The following PTBP3 variants were observed in gnomAD, a reference collection of about 807,000 sequenced individuals.
PTBP3 encodes polypyrimidine tract-binding protein 3.
Under a neutral mutation model 58.7 loss-of-function variants are expected in PTBP3, and 20 were observed. The observed-to-expected ratio is 0.34, with a 90% CI of 0.24 to 0.50. PTBP3 has a LOEUF of 0.50. Ranked by LOEUF, PTBP3 falls within the 20% of genes least tolerant of loss-of-function variation. The pLI is 0.98. For synonymous variants in PTBP3, 185 were observed against 219.8 expected, an observed-to-expected ratio of 0.84 and a Z score of 1.40; for missense variants, 509 against 637.2, an observed-to-expected ratio of 0.80 and a Z score of 2.17.
At chr9:112,314,009 G>A (rs1208395968) in intron 1 of PTBP3, among the ~76,000 whole-genome samples, 1 of 152,142 alleles carries the variant, frequency 6.6e-6, no homozygotes, top group Non-Finnish European at 1.5e-5. Context: ...ATGAATCCAC[G>A]CAAATGAGGT....
the PTBP3 span, among the ~76,000 whole-genome samples, chr9:112,361,473 TTAA>T: frequency 6.6e-6 from 1 of 152,146 alleles, no homozygotes; most frequent in Non-Finnish European, 1.5e-5. Flanking sequence ...TTTGAAAACG[TTAA>T]TAATATAAAA....
intron 1 of PTBP3, among the ~76,000 whole-genome samples, chr9:112,309,151 C>T (rs1030136437): frequency 6.6e-6 from 1 of 151,872 alleles, no homozygotes; most frequent in African/African-American, 2.4e-5. Flanking sequence ...CATGACTATA[C>T]AAAAGAGGCT....
intron 1 of PTBP3, among the ~76,000 whole-genome samples, chr9:112,309,974 A>C (rs1031192700): frequency 5.3e-5 from 8 of 152,158 alleles, no homozygotes; most frequent in African/African-American, 1.9e-4. Context: ...CTAAACCTAA[A>C]GACATTTGCT....
intron 1 of PTBP3, 121 bp from the exon 2 acceptor site, chr9:112,298,037 A>G (rs1335619232): frequency 5.4e-6 from 4 of 736,720 alleles, no homozygotes; most frequent in Non-Finnish European, 8.6e-6. Context: ...TAAAGGGGGA[A>G]CTCCTCAAGA....
rs1316154356 is a variant in PTBP3, at chr9:112,306,601, TA to T, written c.-51-8686del. ...ATTTAAATTTGTATATATATATATATATATTTTTGTTTGTTTGTTTGTTTGT... is the reference window on the plus strand; with the variant it reads ...ATTTAAATTTGTATATATATATATATTATTTTTGTTTGTTTGTTTGTTTGT... On this transcript the variant is annotated intron_variant, in intron 1 of 13. Transcript: ENST00000374257. 3.3e-3 allele frequency among the ~76,000 whole-genome samples: 316 copies of T among 94,772 alleles called. 1 individual carries two copies. The highest frequency in any genetic ancestry group is 0.014 in the African/African-American group (295 of 21,844). 62.2% of individuals were successfully genotyped at this position (94,772 alleles called of 152,430 possible). A position where few individuals can be genotyped will look rare whatever the true frequency, so the allele number is the denominator to read the frequency against.
At chr9:112,217,798 A>T (rs1192306378), downstream of PTBP3, 2 of 152,214 alleles carry the variant, frequency 1.3e-5, no homozygotes, top group Non-Finnish European at 2.9e-5. Flanking sequence ...GTGATTACCT[A>T]ATTTTCTATT....
intron 1 of PTBP3, among the ~76,000 whole-genome samples, chr9:112,322,417 G>T (rs1829992843): frequency 6.6e-6 from 1 of 152,160 alleles, no homozygotes. Flanking sequence ...GGGAACAGCT[G>T]ATATTAATCA....
chr9:112,366,807 G>A, the PTBP3 span, among the ~76,000 whole-genome samples: 5 of 152,146 alleles, frequency 3.3e-5, no homozygotes, highest in African/African-American at 1.2e-4. Context: ...GCCCCAGAAT[G>A]ATAGATCCAC....
the PTBP3 span, among the ~76,000 whole-genome samples, chr9:112,341,880 C>T: frequency 1.3e-5 from 2 of 152,100 alleles, no homozygotes; most frequent in African/African-American, 4.8e-5. Flanking sequence ...ATGACTAGGT[C>T]CCTGTGATGG....
the PTBP3 span, among the ~76,000 whole-genome samples, chr9:112,347,633 G>T: frequency 1.3e-5 from 2 of 152,102 alleles, no homozygotes; most frequent in South Asian, 4.1e-4. Flanking sequence ...GTGAGCTACT[G>T]TACCATTTTT....
At position 112,222,364 on chromosome 9, in the gene PTBP3, CT is replaced by C. The variant is rs1432935755; in HGVS notation, c.*1486del. ...ATGAGAAATAACCCACCTTCTCATA[CT>C]CCAAATACGTGGGTACTCAGTAATG... On this transcript the variant is annotated 3_prime_UTR_variant, in exon 14 of 14. Transcript: ENST00000374257. 1 of 985,482 alleles carries C rather than the reference CT, an allele frequency of 1.0e-6. No homozygotes were observed. Among genetic ancestry groups the C allele is most frequent in the African/African-American group, 1.7e-5 (1 of 57,202 alleles). The allele number at this position is 985,482 out of a possible 1,614,324, so 61.0% of individuals were successfully genotyped here. A position where few individuals can be genotyped will look rare whatever the true frequency, so the allele number is the denominator to read the frequency against.
At chr9:112,252,599 C>T (rs1250758880) in intron 6 of PTBP3, 79 bp downstream of exon 6, 4 of 1,075,190 alleles carry the variant, frequency 3.7e-6, no homozygotes, top group Admixed American at 2.1e-5. Flanking sequence ...TTTTTAAAAA[C>T]ACATGGTAAA....
the PTBP3 span, among the ~76,000 whole-genome samples, chr9:112,351,829 GT>G: frequency 1.3e-5 from 2 of 152,000 alleles, no homozygotes; most frequent in African/African-American, 4.8e-5. Flanking sequence ...CAATGTGGGG[GT>G]TTTTTGGTTT....
chr9:112,345,974 G>A, the PTBP3 span, among the ~76,000 whole-genome samples: 1 of 151,672 alleles, frequency 6.6e-6, no homozygotes, highest in African/African-American at 2.4e-5. Flanking sequence ...CCCTGCCTCA[G>A]CCTCCCAAGT....
Position 112,223,737 on chromosome 9 carries a change from A to G in PTBP3, c.*114T>C. 1 of 1,291,892 alleles carries G rather than the reference A, an allele frequency of 7.7e-7. No individual in the cohort carries two copies. The highest frequency in any genetic ancestry group is 9.7e-7 in the Non-Finnish European group (1 of 1,031,564). The allele number at this position is 1,291,892 out of a possible 1,614,324, so 80.0% of individuals were successfully genotyped here. On this transcript the variant is annotated 3_prime_UTR_variant, in exon 14 of 14. Transcript: ENST00000374257. ...ATTTTTAAAATATACTTGAATATCA[A>G]ACTCAGAGTTATTTTTGTGAAAGAG...
the PTBP3 span, among the ~76,000 whole-genome samples, chr9:112,341,764 C>A: frequency 9.9e-5 from 15 of 152,208 alleles, no homozygotes; most frequent in East Asian, 2.9e-3. Context: ...AAGTAGATAG[C>A]CATCAAGTAA....
intron 7 of PTBP3, among the ~76,000 whole-genome samples, chr9:112,236,840 T>C (rs1244270504): frequency 1.3e-5 from 2 of 152,092 alleles, no homozygotes; most frequent in Non-Finnish European, 2.9e-5. Context: ...AAGAATGCCA[T>C]GTCTCAAAAA....
In PTBP3 at chr9:112,250,977, T is replaced by C. The variant is rs1264187235; in HGVS notation, c.754A>G (p.Thr252Ala). Residue 252 changes from threonine (T) to alanine (A), a missense_variant, in exon 7 of 14, where the codon ACT (threonine) becomes GCT (alanine). Coordinates refer to ENST00000374257, the MANE Select transcript of PTBP3 (RefSeq NM_001163788.4). Reference sequence around the variant, plus strand: ...TCAAGGGATGGCTGGCCATCACCAGTAGGAAGGTCTAAGCGAGTGAAGTCT... The same window carrying C: ...TCAAGGGATGGCTGGCCATCACCAGCAGGAAGGTCTAAGCGAGTGAAGTCT... ...SRDFTRLDLP[T>A]GDGQPSLEPP... The C allele has an allele frequency of 2.5e-6, 4 of 1,610,512 alleles. No homozygotes were observed. The highest frequency in any genetic ancestry group is 2.2e-5 in the East Asian group (1 of 44,662).
At chr9:112,311,879 T>C (rs1006846334) in intron 1 of PTBP3, among the ~76,000 whole-genome samples, 1 of 152,154 alleles carries the variant, frequency 6.6e-6, no homozygotes, top group South Asian at 2.1e-4. Context: ...GCCCAGGACG[T>C]TGGAGGCTGC....
Sources: allele counts gnomAD v4.1 joint callset (sites outside exome capture counted in the v4.1 genomes callset), GRCh38; gene constraint gnomAD v4.1.1; transcripts MANE v1.5; gene names NCBI Gene and HGNC (gene_info 2026-07-23, HGNC 2026-07-21).